Variants in RPS6KC1 observed in about 807,000 individuals in gnomAD.
The protein encoded by RPS6KC1 is inactive ribosomal protein S6 kinase delta-1.
RPS6KC1 carries 54 observed loss-of-function variants against 103.8 expected under a neutral mutation model. The ratio of observed to expected loss-of-function variants is 0.52; its 90% CI spans 0.42 to 0.65. The LOEUF (loss-of-function observed/expected upper bound fraction) is 0.65, where lower values mean the gene tolerates loss of function less well. Among genes scored for constraint, RPS6KC1 ranks in the 30% least tolerant of loss-of-function variants. The pLI, the probability that RPS6KC1 is intolerant of heterozygous loss-of-function variation, is 0.00. For missense variants in RPS6KC1, 1,151 were observed against 1,253.8 expected (o/e 0.92, Z 1.24); for synonymous variants, 439 against 438.7 (o/e 1.00, Z -0.01).
chr1:213,425,085 C>T, the RPS6KC1 span, among the ~76,000 whole-genome samples: 1 of 152,170 alleles, frequency 6.6e-6, no homozygotes, highest in African/African-American at 2.4e-5. Context: ...CCCTCATCCA[C>T]ATTCTGAGGA....
chr1:213,218,897 C>T (rs1280185126), intron 8 of RPS6KC1, among the ~76,000 whole-genome samples: 1 of 152,110 alleles, frequency 6.6e-6, no homozygotes, highest in Non-Finnish European at 1.5e-5. Flanking sequence ...AATGTTAGAC[C>T]TAAAACTGTA....
chr1:213,795,909 G>C, the RPS6KC1 span, among the ~76,000 whole-genome samples: 1 of 152,180 alleles, frequency 6.6e-6, no homozygotes, highest in East Asian at 1.9e-4. Flanking sequence ...CAACAGAGCA[G>C]CTGTCATTGG....
the RPS6KC1 span, among the ~76,000 whole-genome samples, chr1:213,436,151 C>T: frequency 1.3e-4 from 20 of 152,260 alleles, no homozygotes; most frequent in South Asian, 3.7e-3. Flanking sequence ...TCCAGTCCCT[C>T]TGGGTTGAAC....
chr1:213,459,490 T>C, the RPS6KC1 span, among the ~76,000 whole-genome samples: 2 of 152,174 alleles, frequency 1.3e-5, no homozygotes, highest in Non-Finnish European at 2.9e-5. Flanking sequence ...TTTTCTTCTA[T>C]ATTAGTTTGG....
At chr1:213,175,010 A>T (rs576530935) in intron 7 of RPS6KC1, among the ~76,000 whole-genome samples, 4 of 152,262 alleles carry the variant, frequency 2.6e-5, no homozygotes, top group African/African-American at 9.6e-5. Context: ...TTTCAGGTAC[A>T]GTTAAATTAT....
the RPS6KC1 span, among the ~76,000 whole-genome samples, chr1:213,830,495 T>G: frequency 6.6e-6 from 1 of 152,104 alleles, no homozygotes. Flanking sequence ...CATTTGGAAG[T>G]GTGGTGGCCC....
chr1:213,211,454 C>A (rs1260065901), intron 8 of RPS6KC1, among the ~76,000 whole-genome samples: 2 of 152,198 alleles, frequency 1.3e-5, no homozygotes, highest in East Asian at 3.8e-4. Context: ...TTTCTTCTAG[C>A]TCTTTAGCAA....
At chr1:213,810,484 C>T in the RPS6KC1 span, among the ~76,000 whole-genome samples, 5 of 152,126 alleles carry the variant, frequency 3.3e-5, no homozygotes, top group Admixed American at 6.5e-5. Flanking sequence ...TACAGAAAAC[C>T]ATGAGGAATG....
intron 6 of RPS6KC1, among the ~76,000 whole-genome samples, chr1:213,148,879 G>C (rs1204815650): frequency 6.6e-6 from 1 of 152,002 alleles, no homozygotes; most frequent in African/African-American, 2.4e-5. Flanking sequence ...TTCAGGTTCT[G>C]TGTTTTTTCC....
chr1:213,339,540 T>C, the RPS6KC1 span, among the ~76,000 whole-genome samples: 3 of 152,234 alleles, frequency 2.0e-5, no homozygotes, highest in Non-Finnish European at 4.4e-5. Context: ...GATCATTCGG[T>C]GAGACCATTC....
chr1:213,628,948 CA>C, the RPS6KC1 span, among the ~76,000 whole-genome samples: 2 of 152,120 alleles, frequency 1.3e-5, no homozygotes, highest in African/African-American at 4.8e-5. Context: ...GTCTAAGAGA[CA>C]GTTTGTTGTG....
At chr1:213,656,485 G>A in the RPS6KC1 span, among the ~76,000 whole-genome samples, 1 of 152,160 alleles carries the variant, frequency 6.6e-6, no homozygotes, top group Admixed American at 6.5e-5. Flanking sequence ...TGTCACAATG[G>A]TCACCCTTGG....
At chr1:213,161,469 C>T (rs1019983397) in intron 6 of RPS6KC1, among the ~76,000 whole-genome samples, 7 of 151,986 alleles carry the variant, frequency 4.6e-5, no homozygotes, top group Non-Finnish European at 7.4e-5. Flanking sequence ...TACAGGTGTG[C>T]ACCACCATGC....
At chr1:213,572,834 T>A in the RPS6KC1 span, among the ~76,000 whole-genome samples, 59 of 152,182 alleles carry the variant, frequency 3.9e-4, no homozygotes, top group African/African-American at 1.3e-3. Flanking sequence ...CACTAGGAAG[T>A]GTAGCAAATG....
chr1:213,543,350 A>G, the RPS6KC1 span, among the ~76,000 whole-genome samples: 1 of 152,336 alleles, frequency 6.6e-6, no homozygotes, highest in African/African-American at 2.4e-5. Flanking sequence ...GGTAGAGGCA[A>G]CAGGGGAGGA....
chr1:213,425,042 C>T, the RPS6KC1 span, among the ~76,000 whole-genome samples: 2 of 152,090 alleles, frequency 1.3e-5, no homozygotes, highest in East Asian at 1.9e-4. Context: ...ACCAGGGCCA[C>T]GGAGGAGCCG....
chr1:213,480,324 G>A, the RPS6KC1 span, among the ~76,000 whole-genome samples: 7,656 of 152,028 alleles, frequency 0.05, 630 homozygotes, highest in African/African-American at 0.17. Context: ...TTTTACATGT[G>A]GTTTGTTAGA....
chr1:213,410,461 C>T, the RPS6KC1 span, among the ~76,000 whole-genome samples: 1 of 152,000 alleles, frequency 6.6e-6, no homozygotes, highest in African/African-American at 2.4e-5. Flanking sequence ...GGCTAAGATC[C>T]AGTGAGGGGA....
chr1:213,194,343 A>G (rs2092860715), intron 8 of RPS6KC1, among the ~76,000 whole-genome samples: 1 of 152,110 alleles, frequency 6.6e-6, no homozygotes, highest in South Asian at 2.1e-4. Flanking sequence ...TACTTCTGCC[A>G]TTTTGTTTTC....
Sources: gnomAD v4.1 joint callset for allele counts (sites outside exome capture counted in the v4.1 genomes callset) on GRCh38, gnomAD v4.1.1 for gene constraint, MANE v1.5 for transcripts, NCBI Gene and HGNC (gene_info 2026-07-23, HGNC 2026-07-21) for gene names.